PIK3CB: variants seen among roughly 807,000 people sequenced by gnomAD.
The protein encoded by PIK3CB is phosphatidylinositol 4,5-bisphosphate 3-kinase catalytic subunit beta isoform.
In PIK3CB, 39 loss-of-function variants were observed where a neutral mutation model predicts 136.8. The ratio of observed to expected loss-of-function variants is 0.29; its 90% CI spans 0.22 to 0.37. The LOEUF (loss-of-function observed/expected upper bound fraction) is 0.37, where lower values mean the gene tolerates loss of function less well. PIK3CB is among the 10% of genes least tolerant of loss of function. PIK3CB has a pLI of 1.00. For missense variants in PIK3CB, 868 were observed against 1,275.4 expected, an observed-to-expected ratio of 0.68 and a Z score of 4.87; for synonymous variants, 428 against 436.6, an observed-to-expected ratio of 0.98 and a Z score of 0.25.
chr3:138,683,298 G>A (rs1432265191), intron 18 of PIK3CB, among the ~76,000 whole-genome samples: 1 of 149,998 alleles, frequency 6.7e-6, no homozygotes, highest in African/African-American at 2.5e-5. Flanking sequence ...AGGTTTCAGT[G>A]AGCCAAGATC....
intron 2 of PIK3CB, among the ~76,000 whole-genome samples, chr3:138,764,958 C>T (rs1238943086): frequency 1.3e-5 from 2 of 152,202 alleles, no homozygotes; most frequent in African/African-American, 4.8e-5. Flanking sequence ...CTCTTTAGCT[C>T]CTGGCACATA....
intron 4 of PIK3CB, among the ~76,000 whole-genome samples, chr3:138,746,340 G>C (rs2045353499): frequency 6.6e-6 from 1 of 151,732 alleles, no homozygotes; most frequent in African/African-American, 2.4e-5. Flanking sequence ...CTGTTACCTT[G>C]ATTTTTTTTA....
At chr3:138,830,740 AC>A (rs1200930547) in intron 1 of PIK3CB, among the ~76,000 whole-genome samples, 1 of 149,386 alleles carries the variant, frequency 6.7e-6, no homozygotes, top group Non-Finnish European at 1.5e-5. Flanking sequence ...TCTACTAAAA[AC>A]ACACAAAAAA....
intron 2 of PIK3CB, chr3:138,778,281 C>T: frequency 2.5e-6 from 1 of 393,736 alleles, no homozygotes; most frequent in South Asian, 1.9e-5. Flanking sequence ...TTCTATACCA[C>T]TAACTGCTTA....
intron 3 of PIK3CB, among the ~76,000 whole-genome samples, chr3:138,757,506 C>CACACACAT (rs1218951533): frequency 2.3e-4 from 35 of 150,634 alleles, no homozygotes; most frequent in African/African-American, 8.3e-4. Context: ...CACACACACA[C>CACACACAT]ACACACACAC....
chr3:138,672,849 T>C (rs966237442), intron 19 of PIK3CB, among the ~76,000 whole-genome samples: 1 of 147,846 alleles, frequency 6.8e-6, no homozygotes, highest in Non-Finnish European at 1.5e-5. Flanking sequence ...GAGGTGGAGA[T>C]TGCAGTTAGC....
intron 18 of PIK3CB, among the ~76,000 whole-genome samples, chr3:138,682,738 A>G (rs1178215022): frequency 1.3e-5 from 2 of 152,110 alleles, no homozygotes; most frequent in African/African-American, 4.8e-5. Flanking sequence ...GTTTAGCAAA[A>G]CCCTATGAGT....
chr3:138,789,486 A>T (rs1576414923), intron 2 of PIK3CB, among the ~76,000 whole-genome samples: 1 of 152,140 alleles, frequency 6.6e-6, no homozygotes, highest in Admixed American at 6.5e-5. Flanking sequence ...AAATTAAAGC[A>T]TATGATCCAC....
intron 2 of PIK3CB, among the ~76,000 whole-genome samples, chr3:138,794,383 G>C (rs1030712528): frequency 5.3e-5 from 8 of 152,188 alleles, no homozygotes; most frequent in African/African-American, 1.7e-4. Context: ...AGAGGCTGTT[G>C]CAACTAACCA....
At chr3:138,673,176 G>A (rs1463036619) in intron 19 of PIK3CB, among the ~76,000 whole-genome samples, 1 of 151,948 alleles carries the variant, frequency 6.6e-6, no homozygotes, top group Admixed American at 6.6e-5. Flanking sequence ...GAGACATAAA[G>A]GAGAGAACAG....
rs753437032 is a variant in PIK3CB, at chr3:138,712,308, T to C, written c.1303-4A>G. 6.3e-6 allele frequency: 9 copies of C among 1,425,084 alleles called. No individual in the cohort carries two copies. The highest frequency in any genetic ancestry group is 1.8e-4 in the Middle Eastern group (1 of 5,642). 88.3% of individuals were successfully genotyped at this position (1,425,084 alleles called of 1,614,324 possible). On this transcript the variant is annotated splice_region_variant and splice_polypyrimidine_tract_variant and intron_variant, in intron 9 of 23. Transcript: ENST00000674063. ...TTACCCACGCTACAGGATAATGCTGTTGAAAAAGATACCATTGCATAAATA... is the reference window on the plus strand; with the variant it reads ...TTACCCACGCTACAGGATAATGCTGCTGAAAAAGATACCATTGCATAAATA...
At chr3:138,828,927 A>G (rs1293223817) in intron 1 of PIK3CB, among the ~76,000 whole-genome samples, 1 of 150,178 alleles carries the variant, frequency 6.7e-6, no homozygotes, top group South Asian at 2.1e-4. Flanking sequence ...AGCTGGGATT[A>G]CAGGCGCATG....
At chr3:138,754,279 C>T (rs958626086) in intron 4 of PIK3CB, among the ~76,000 whole-genome samples, 2 of 151,926 alleles carry the variant, frequency 1.3e-5, no homozygotes, top group East Asian at 1.9e-4. Context: ...AATAAAAATA[C>T]AAAAATTAGC....
intron 1 of PIK3CB, chr3:138,826,466 G>C: frequency 3.5e-5 from 14 of 397,858 alleles, no homozygotes; most frequent in East Asian, 1.1e-4. Context: ...AAACCCCTCA[G>C]AAGAAAAGGA....
chr3:138,742,443 G>T (rs957990442), intron 5 of PIK3CB, 115 bp downstream of exon 5: 5 of 591,344 alleles, frequency 8.5e-6, no homozygotes, highest in Non-Finnish European at 1.5e-5. Context: ...ATATAAAATT[G>T]TTCTTTCTAA....
chr3:138,676,691 G>A (rs528276461), intron 19 of PIK3CB, among the ~76,000 whole-genome samples: 2 of 152,288 alleles, frequency 1.3e-5, no homozygotes, highest in African/African-American at 2.4e-5. Context: ...ACTGGTTACT[G>A]TTAAAACATG....
chr3:138,818,408 G>A (rs1933422992), intron 1 of PIK3CB, among the ~76,000 whole-genome samples: 1 of 152,168 alleles, frequency 6.6e-6, no homozygotes, highest in Non-Finnish European at 1.5e-5. Flanking sequence ...CCTTGGGAAA[G>A]TTCCCCTAAC....
intron 15 of PIK3CB, among the ~76,000 whole-genome samples, chr3:138,689,602 T>C (rs1277415514): frequency 1.3e-5 from 2 of 152,250 alleles, no homozygotes; most frequent in African/African-American, 4.8e-5. Context: ...TTGTGCATAA[T>C]TATTAGTGAC....
chr3:138,723,348 C>T (rs780551851), intron 8 of PIK3CB, among the ~76,000 whole-genome samples: 5 of 152,008 alleles, frequency 3.3e-5, no homozygotes, highest in African/African-American at 4.8e-5. Flanking sequence ...CTCAGGAGTT[C>T]GAGACCAGCC....
Sources: allele counts gnomAD v4.1 joint callset (sites outside exome capture counted in the v4.1 genomes callset), GRCh38; gene constraint gnomAD v4.1.1; transcripts MANE v1.5; gene names NCBI Gene and HGNC (gene_info 2026-07-23, HGNC 2026-07-21).